Variants in SMURF1 observed in about 807,000 individuals in gnomAD.
SMURF1 encodes SMAD specific E3 ubiquitin protein ligase 1.
In SMURF1, 44 loss-of-function variants were observed where a neutral mutation model predicts 98.0. The observed-to-expected ratio is 0.45, with a 90% confidence interval of 0.35 to 0.58. SMURF1 has a LOEUF of 0.58. Among genes scored for constraint, SMURF1 ranks in the 20% least tolerant of loss-of-function variants. The pLI is 0.00. For missense variants in SMURF1, 687 were observed against 938.4 expected (o/e 0.73, Z 3.50); for synonymous variants, 396 against 374.9 (o/e 1.06, Z -0.65).
chr7:99,049,728 CAG>C lies in SMURF1; in HGVS notation c.807-21_807-20del, dbSNP rs775244886. The C allele has an allele frequency of 1.9e-5, 30 of 1,609,432 alleles. No individual in the cohort carries two copies. The African/African-American group carries it at 3.7e-4, about 20-fold the overall frequency. On this transcript the variant is annotated intron_variant, in intron 8 of 17. Transcript: ENST00000361368. ...AAGGTCTCTACCAAAATGGAAGATA[CAG>C]AGAGGTTTGTCCAACTGAGTATGGA... is the stretch of plus-strand genomic sequence containing the variant.
At chr7:99,050,908 C>G in intron 8 of SMURF1, 1 of 1,524,914 alleles carries the variant, frequency 6.6e-7, no homozygotes, top group East Asian at 2.5e-5. Context: ...GGGGGGGTCT[C>G]TCTAACCTGG....
chr7:99,113,552 A>G (rs1797367920), intron 1 of SMURF1, among the ~76,000 whole-genome samples: 1 of 152,148 alleles, frequency 6.6e-6, no homozygotes, highest in Admixed American at 6.5e-5. Context: ...ACAAAAGAAC[A>G]TTAGACGGCT....
rs541817448 is a variant in SMURF1, at chr7:99,096,000, TG to T, written c.56-34164del. ...GCTGGAGTCCTTTAACTTCCAAGAA[TG>T]GGGTCCTGGGGCATTACCTATCAGT... is the stretch of plus-strand genomic sequence containing the variant. On this transcript the variant is annotated intron_variant, in intron 1 of 17. Transcript: ENST00000361368. 1.2e-3 allele frequency among the ~76,000 whole-genome samples: 181 copies of T among 152,238 alleles called. 2 individuals carry two copies. Among genetic ancestry groups the T allele is most frequent in the Admixed American group, 2.6e-3 (39 of 15,288 alleles).
chr7:99,057,404 T>C lies in SMURF1; in HGVS notation c.337+14A>G, dbSNP rs1584465587. On this transcript the variant is annotated intron_variant, in intron 4 of 17. Transcript: ENST00000361368. Reference sequence around the variant, plus strand: ...TTGGTTGCATTAAGAGGCAGGAAAGTGTTTGGTTCTTACATCCGGTATCTT... The same window carrying C: ...TTGGTTGCATTAAGAGGCAGGAAAGCGTTTGGTTCTTACATCCGGTATCTT... 1 of 1,612,442 alleles carries C rather than the reference T, an allele frequency of 6.2e-7. No individual in the cohort carries two copies.
chr7:99,034,225 C>T lies in SMURF1; in HGVS notation c.2012-1104G>A, dbSNP rs144111330. ...CAGGGCCCTGGCCACTCTGCCCGGG[C>T]CACCATTCAGTGCCCTCCCACAGCA... On this transcript the variant is annotated intron_variant, in intron 16 of 17. Coordinates refer to ENST00000361368, the MANE Select transcript of SMURF1 (RefSeq NM_181349.3). Among the ~76,000 whole-genome samples, 154 of 152,316 alleles carry T rather than the reference C, an allele frequency of 1.0e-3. 2 individuals carry two copies. In the East Asian group the frequency reaches 0.022, roughly 22 times the overall value.
chr7:99,136,871 G>T (rs1798004324), intron 1 of SMURF1, among the ~76,000 whole-genome samples: 1 of 152,292 alleles, frequency 6.6e-6, no homozygotes, highest in Admixed American at 6.5e-5. Flanking sequence ...GATCACTGGA[G>T]CCCAAGAAGT....
At chr7:99,140,705 G>A (rs375116669) in intron 1 of SMURF1, among the ~76,000 whole-genome samples, 77 of 152,214 alleles carry the variant, frequency 5.1e-4, no homozygotes, top group African/African-American at 1.7e-3. Flanking sequence ...CGTGAGCCAC[G>A]GCGCCAGGCC....
At chr7:99,040,017 A>C (rs1795310341) in intron 13 of SMURF1, among the ~76,000 whole-genome samples, 1 of 152,160 alleles carries the variant, frequency 6.6e-6, no homozygotes. Context: ...AACGTCTGTG[A>C]TCGCGCCTTC....
At chr7:99,083,169 T>TGTTG (rs1796606355) in intron 1 of SMURF1, among the ~76,000 whole-genome samples, 1 of 152,146 alleles carries the variant, frequency 6.6e-6, no homozygotes, top group South Asian at 2.1e-4. Flanking sequence ...CTGACTACAC[T>TGTTG]AAAAACCACA....
At chr7:99,076,420 C>T (rs1175239952) in intron 1 of SMURF1, among the ~76,000 whole-genome samples, 3 of 152,216 alleles carry the variant, frequency 2.0e-5, no homozygotes, top group African/African-American at 7.2e-5. Flanking sequence ...CTTCTGTGGT[C>T]TTCCTCTCTA....
intron 1 of SMURF1, among the ~76,000 whole-genome samples, chr7:99,086,109 G>A (rs1391675800): frequency 3.9e-5 from 6 of 152,134 alleles, no homozygotes; most frequent in Admixed American, 3.3e-4. Context: ...ATTTTGAGAG[G>A]CCGAGGTGGG....
In SMURF1 at chr7:99,042,303, G is replaced by A. The variant is rs555842094; in HGVS notation, c.1257-71C>T. Reference sequence around the variant, plus strand: ...TACATTTTTTTTTTTTCCCTGAGATGGAGTCTCACTCTGTCGCCCAGGCTG... The same window carrying A: ...TACATTTTTTTTTTTTCCCTGAGATAGAGTCTCACTCTGTCGCCCAGGCTG... On this transcript the variant is annotated intron_variant, in intron 11 of 17. Coordinates refer to ENST00000361368, the MANE Select transcript of SMURF1 (RefSeq NM_181349.3). The A allele has an allele frequency of 5.6e-5, 57 of 1,026,316 alleles. No homozygotes were observed. The African/African-American group carries it at 7.1e-4, about 13-fold the overall frequency. 63.6% of individuals were successfully genotyped at this position (1,026,316 alleles called of 1,614,324 possible). A position where few individuals can be genotyped will look rare whatever the true frequency, so the allele number is the denominator to read the frequency against.
At chr7:99,082,733 G>A (rs892148973) in intron 1 of SMURF1, among the ~76,000 whole-genome samples, 14 of 152,118 alleles carry the variant, frequency 9.2e-5, no homozygotes, top group East Asian at 3.9e-4. Context: ...TAATCAGCTT[G>A]TCAAATTCTG....
At position 99,032,952 on chromosome 7, in the gene SMURF1, A is replaced by G. The variant is rs1584437657; in HGVS notation, c.2096+85T>C. 9.4e-6 allele frequency: 13 copies of G among 1,385,768 alleles called. No homozygotes were observed. The East Asian group carries it at 3.1e-4, about 33-fold the overall frequency. The allele number at this position is 1,385,768 out of a possible 1,614,324, so 85.8% of individuals were successfully genotyped here. On this transcript the variant is annotated intron_variant, in intron 17 of 17. Coordinates refer to ENST00000361368, the MANE Select transcript of SMURF1 (RefSeq NM_181349.3). ...AATATTTTGGCAGAGACTCCATCTCAAAAAAAAACAACAAAAAAAAAACGT... is the reference window on the plus strand; with the variant it reads ...AATATTTTGGCAGAGACTCCATCTCGAAAAAAAACAACAAAAAAAAAACGT...
intron 1 of SMURF1, among the ~76,000 whole-genome samples, chr7:99,108,677 C>A (rs1236897955): frequency 6.7e-6 from 1 of 150,204 alleles, no homozygotes; most frequent in Admixed American, 6.6e-5. Flanking sequence ...AGGAGCATTG[C>A]CCATTAGATG....
chr7:99,059,829 A>G (rs185281291), intron 3 of SMURF1, among the ~76,000 whole-genome samples: 177 of 151,844 alleles, frequency 1.2e-3, no homozygotes, highest in African/African-American at 3.7e-3. Context: ...AATCACTTGA[A>G]TCCAGGAGGT....
chr7:99,137,030 TA>T (rs1198572043), intron 1 of SMURF1, among the ~76,000 whole-genome samples: 1 of 151,966 alleles, frequency 6.6e-6, no homozygotes, highest in Non-Finnish European at 1.5e-5. Context: ...AAAATAAAGA[TA>T]ATACTGGTTT....
intron 1 of SMURF1, among the ~76,000 whole-genome samples, chr7:99,072,585 G>A (rs912046236): frequency 3.9e-5 from 6 of 152,200 alleles, no homozygotes; most frequent in Non-Finnish European, 8.8e-5. Flanking sequence ...GAAGGCTGCA[G>A]TGAGCCAAGA....
At chr7:99,105,744 G>T (rs1186419453) in intron 1 of SMURF1, among the ~76,000 whole-genome samples, 2 of 152,006 alleles carry the variant, frequency 1.3e-5, no homozygotes, top group East Asian at 1.9e-4. Flanking sequence ...TTAAATTTTG[G>T]CTGTGTGTGT....
Sources: allele counts gnomAD v4.1 joint callset (sites outside exome capture counted in the v4.1 genomes callset), GRCh38; gene constraint gnomAD v4.1.1; transcripts MANE v1.5; gene names NCBI Gene and HGNC (gene_info 2026-07-23, HGNC 2026-07-21).